The following RHOU variants were observed in gnomAD, a reference collection of about 807,000 sequenced individuals.
RHOU encodes rho-related GTP-binding protein RhoU.
Under a neutral mutation model 12.6 loss-of-function variants are expected in RHOU, and 8 were observed. The ratio of observed to expected loss-of-function variants is 0.64; its 90% CI spans 0.37 to 1.15. The LOEUF (loss-of-function observed/expected upper bound fraction) is 1.15, where lower values mean the gene tolerates loss of function less well. Ranked by LOEUF, RHOU falls within the 50% of genes most tolerant of loss-of-function variation. The probability of loss-of-function intolerance (pLI) is 0.01; values close to 1 mark genes in which losing one functional copy is unlikely to be tolerated. For synonymous variants in RHOU, 161 were observed against 147.4 expected, an observed-to-expected ratio of 1.09 and a Z score of -0.67; for missense variants, 258 against 347.0, an observed-to-expected ratio of 0.74 and a Z score of 2.04.
the RHOU span, among the ~76,000 whole-genome samples, chr1:228,660,739 A>G: frequency 2.0e-5 from 3 of 151,692 alleles, no homozygotes; most frequent in African/African-American, 7.3e-5. Context: ...TTTGAGACCA[A>G]CCTAACCAAC....
chr1:228,686,472 A>C, the RHOU span, among the ~76,000 whole-genome samples: 1 of 152,220 alleles, frequency 6.6e-6, no homozygotes, highest in African/African-American at 2.4e-5. Context: ...ACATATTTGC[A>C]GTTTAAAACC....
the RHOU span, among the ~76,000 whole-genome samples, chr1:228,713,147 G>C: frequency 6.6e-6 from 1 of 152,092 alleles, no homozygotes; most frequent in Admixed American, 6.5e-5. Flanking sequence ...TGGGTTGACT[G>C]ATGGCAGGCA....
chr1:228,662,852 G>C, the RHOU span, among the ~76,000 whole-genome samples: 1 of 152,096 alleles, frequency 6.6e-6, no homozygotes, highest in African/African-American at 2.4e-5. Context: ...ACAAAATGCT[G>C]CATCAAGGGG....
At chr1:228,701,783 A>G in the RHOU span, among the ~76,000 whole-genome samples, 2 of 151,668 alleles carry the variant, frequency 1.3e-5, no homozygotes, top group African/African-American at 2.4e-5. Flanking sequence ...TTTTCTCAAC[A>G]GCTATGTATT....
chr1:228,681,858 A>G, the RHOU span, among the ~76,000 whole-genome samples: 2 of 152,100 alleles, frequency 1.3e-5, no homozygotes, highest in African/African-American at 4.8e-5. Flanking sequence ...GACACGGAGA[A>G]GCGGGGTGGG....
the RHOU span, among the ~76,000 whole-genome samples, chr1:228,682,796 A>AATTG: frequency 1.3e-5 from 2 of 152,180 alleles, no homozygotes; most frequent in Non-Finnish European, 2.9e-5. Flanking sequence ...CACTTATATA[A>AATTG]ATATCAGTAA....
the RHOU span, among the ~76,000 whole-genome samples, chr1:228,668,551 C>T: frequency 6.6e-6 from 1 of 152,162 alleles, no homozygotes. Context: ...GGCAAACCAC[C>T]ACACACATTT....
At chr1:228,711,700 A>G in the RHOU span, among the ~76,000 whole-genome samples, 1 of 152,012 alleles carries the variant, frequency 6.6e-6, no homozygotes, top group South Asian at 2.1e-4. Context: ...TAAAACCATA[A>G]AAACCCTAGA....
At chr1:228,690,326 T>G in the RHOU span, among the ~76,000 whole-genome samples, 1 of 150,438 alleles carries the variant, frequency 6.6e-6, no homozygotes, top group Non-Finnish European at 1.5e-5. Flanking sequence ...GTTTGTTTGT[T>G]TTTTTTTTTT....
At chr1:228,667,957 C>T in the RHOU span, among the ~76,000 whole-genome samples, 1 of 152,206 alleles carries the variant, frequency 6.6e-6, no homozygotes, top group South Asian at 2.1e-4. Context: ...TAGTAAGCCT[C>T]TTCAACTGTA....
At chr1:228,649,375 T>G in the RHOU span, among the ~76,000 whole-genome samples, 3 of 152,222 alleles carry the variant, frequency 2.0e-5, no homozygotes, top group Admixed American at 2.0e-4. Context: ...CTGGAGATAT[T>G]TCTTTACCTT....
At chr1:228,706,344 C>G in the RHOU span, among the ~76,000 whole-genome samples, 1 of 152,150 alleles carries the variant, frequency 6.6e-6, no homozygotes, top group Non-Finnish European at 1.5e-5. Context: ...CCCCCTGAAC[C>G]AGAAGAGCTT....
the RHOU span, among the ~76,000 whole-genome samples, chr1:228,700,555 T>C: frequency 6.6e-6 from 1 of 152,232 alleles, no homozygotes; most frequent in South Asian, 2.1e-4. Context: ...TTAGAAACTC[T>C]ATCAGAATTA....
At position 228,743,423 on chromosome 1, in the gene RHOU, G is replaced by T. The variant is rs760644981; in HGVS notation, c.460G>T (p.Ala154Ser). ...GGAGATTCGATGCCACTGTCCCAAA[G>T]CCCCCATCATCCTAGTTGGAACGCA... ...VPEIRCHCPKAPIILVGTQSD... is the reference protein window; with the variant it reads ...VPEIRCHCPKSPIILVGTQSD... The change falls in exon 3 of 3, where the codon GCC becomes TCC. Residue 154 changes from alanine (A) to serine (S), a missense_variant. By Grantham distance (99) the Ala-to-Ser change is moderately conservative (BLOSUM62 1). Transcript: ENST00000366691. The surrounding 1 kb of genome is among the most constrained non-coding windows in gnomAD (Gnocchi z 5.1). 7.4e-6 allele frequency: 12 copies of T among 1,614,012 alleles called. No individual in the cohort carries two copies. Among genetic ancestry groups the T allele is most frequent in the Non-Finnish European group, 1.0e-5 (12 of 1,180,034 alleles).
Position 228,738,880 on chromosome 1 carries a change from G to T in RHOU, c.321+1149G>T, listed in dbSNP as rs534405409. The stretch of plus-strand genomic sequence containing the variant: ...TGTGGTGGCTCATGCTCTTTGGGAG[G>T]CTGAGGTGGGAGGATTGCATGAGGC... On this transcript the variant is annotated intron_variant, in intron 2 of 2. Coordinates refer to ENST00000366691, the MANE Select transcript of RHOU (RefSeq NM_021205.6). This position sits in a 1 kb window ranked among gnomAD's most constrained non-coding sequence, Gnocchi z 4.2. 1.3e-5 allele frequency among the ~76,000 whole-genome samples: 2 copies of T among 152,060 alleles called. No individual in the cohort carries two copies. Among genetic ancestry groups the T allele is most frequent in the Non-Finnish European group, 2.9e-5 (2 of 68,010 alleles).
At chr1:228,669,774 A>G in the RHOU span, among the ~76,000 whole-genome samples, 9 of 152,210 alleles carry the variant, frequency 5.9e-5, no homozygotes, top group African/African-American at 9.7e-5. Flanking sequence ...CTAAAAATTA[A>G]TATCATTTTA....
At chr1:228,710,086 T>C in the RHOU span, among the ~76,000 whole-genome samples, 1 of 152,144 alleles carries the variant, frequency 6.6e-6, no homozygotes, top group Non-Finnish European at 1.5e-5. Flanking sequence ...CCTTGACATA[T>C]ACACTCTCCC....
At chr1:228,650,057 T>C in the RHOU span, 1 of 396,942 alleles carries the variant, frequency 2.5e-6, no homozygotes, top group Non-Finnish European at 4.9e-6. Flanking sequence ...TTGACTTTTC[T>C]CTAAAGGCAT....
chr1:228,658,859 C>G, the RHOU span, among the ~76,000 whole-genome samples: 1 of 152,104 alleles, frequency 6.6e-6, no homozygotes, highest in African/African-American at 2.4e-5. Context: ...TTTCAATCTG[C>G]CTTTGGTTAC....
Sources: allele counts gnomAD v4.1 joint callset (sites outside exome capture counted in the v4.1 genomes callset), GRCh38; gene constraint gnomAD v4.1.1; non-coding constraint Gnocchi (gnomAD v3.1); transcripts MANE v1.5; gene names NCBI Gene and HGNC (gene_info 2026-07-23, HGNC 2026-07-21).